The following MAPK14 variants were observed in gnomAD, a reference collection of about 807,000 sequenced individuals.
MAPK14 encodes the protein CSAID-binding protein.
A neutral mutation model predicts 49.6 loss-of-function variants in MAPK14; 16 were observed. That is an observed-to-expected ratio of 0.32 (90% CI 0.22 to 0.49). The LOEUF is 0.49. Among genes scored for constraint, MAPK14 ranks in the 20% least tolerant of loss-of-function variants. The pLI is 0.99. For synonymous variants in MAPK14, 142 were observed against 158.0 expected (o/e 0.90, Z 0.76); for missense variants, 200 against 441.2 (o/e 0.45, Z 4.90).
At chr6:36,029,902 T>C (rs1347511948) in intron 1 of MAPK14, among the ~76,000 whole-genome samples, 2 of 118,612 alleles carry the variant, frequency 1.7e-5, no homozygotes, top group Non-Finnish European at 3.5e-5. Flanking sequence ...TATATAGGTA[T>C]ATACATTCAG....
At chr6:36,036,234 C>T (rs139790357) in intron 1 of MAPK14, among the ~76,000 whole-genome samples, 233 of 115,302 alleles carry the variant, frequency 2.0e-3, no homozygotes, top group African/African-American at 7.0e-3. Flanking sequence ...CCAGCCTGGG[C>T]GATAGAGCAA....
chr6:36,028,661 G>C lies in MAPK14; in HGVS notation c.116+388G>C, dbSNP rs1385824636. ...CCTCTCCCGTGATGCGCCCACGCTGGGGCTCCGGACCCTGGGTCCTCTGAG... is the reference window on the plus strand; with the variant it reads ...CCTCTCCCGTGATGCGCCCACGCTGCGGCTCCGGACCCTGGGTCCTCTGAG... On this transcript the variant is annotated intron_variant, in intron 1 of 11. Transcript: ENST00000229794. The surrounding 1 kb of genome is among the most constrained non-coding windows in gnomAD (Gnocchi z 5.1). 2.6e-5 allele frequency among the ~76,000 whole-genome samples: 4 copies of C among 152,168 alleles called. No homozygotes were observed. Among genetic ancestry groups the C allele is most frequent in the African/African-American group, 9.7e-5 (4 of 41,442 alleles).
intron 3 of MAPK14, among the ~76,000 whole-genome samples, chr6:36,068,057 G>A (rs979218253): frequency 6.6e-6 from 1 of 152,136 alleles, no homozygotes; most frequent in Non-Finnish European, 1.5e-5. Context: ...AGGGGAATTA[G>A]GAGTACAAGG....
At chr6:36,083,731 G>A (rs988883767) in intron 8 of MAPK14, among the ~76,000 whole-genome samples, 3 of 152,196 alleles carry the variant, frequency 2.0e-5, no homozygotes, top group African/African-American at 7.2e-5. Context: ...TGGTGGGAGG[G>A]GTGGCCACAG....
At chr6:36,084,174 C>T (rs1764881219) in intron 8 of MAPK14, among the ~76,000 whole-genome samples, 2 of 152,292 alleles carry the variant, frequency 1.3e-5, no homozygotes, top group South Asian at 4.1e-4. Flanking sequence ...AAAAGGTCCC[C>T]ACCAAAACCC....
At chr6:36,120,375 C>T in the MAPK14 span, among the ~76,000 whole-genome samples, 6 of 152,100 alleles carry the variant, frequency 3.9e-5, no homozygotes, top group Non-Finnish European at 8.8e-5. Flanking sequence ...AGGACCTTCA[C>T]TCCTCCTCCC....
chr6:36,064,723 G>C (rs951067640), intron 3 of MAPK14, among the ~76,000 whole-genome samples: 5 of 152,196 alleles, frequency 3.3e-5, no homozygotes, highest in Non-Finnish European at 7.3e-5. Context: ...ACCTGATGTT[G>C]TTCAATAAAT....
chr6:36,106,238 C>T (rs1006036086), intron 10 of MAPK14, among the ~76,000 whole-genome samples: 1 of 152,080 alleles, frequency 6.6e-6, no homozygotes, highest in African/African-American at 2.4e-5. Context: ...TTGGGAAGTA[C>T]AGGGGATAGT....
chr6:36,098,625 ACTT>A (rs1336080147), intron 9 of MAPK14, among the ~76,000 whole-genome samples: 1 of 152,228 alleles, frequency 6.6e-6, no homozygotes, highest in African/African-American at 2.4e-5. Flanking sequence ...AATCTTTCTA[ACTT>A]CTTGACAGAA....
intron 6 of MAPK14, 66 bp from the exon 7 acceptor site, chr6:36,075,780 GTT>G: frequency 1.9e-6 from 3 of 1,605,676 alleles, no homozygotes; most frequent in Admixed American, 3.3e-5. Context: ...TGTTGTTGTT[GTT>G]TTGTTTTTTT....
intron 8 of MAPK14, among the ~76,000 whole-genome samples, chr6:36,081,673 T>G (rs1278819816): frequency 6.6e-6 from 1 of 152,228 alleles, no homozygotes; most frequent in Admixed American, 6.5e-5. Flanking sequence ...TCAGGAAGTG[T>G]GAGTCTTCCA....
intron 3 of MAPK14, among the ~76,000 whole-genome samples, chr6:36,064,929 C>T (rs928583562): frequency 2.0e-5 from 3 of 152,186 alleles, no homozygotes; most frequent in African/African-American, 7.2e-5. Context: ...GTCCTCTTTC[C>T]ACTCTGTCTC....
Position 36,107,352 on chromosome 6 carries a change from T to A in MAPK14, c.842-103T>A, listed in dbSNP as rs2127476753. On this transcript the variant is annotated intron_variant, in intron 10 of 11. Coordinates refer to ENST00000229794, the MANE Select transcript of MAPK14 (RefSeq NM_139012.3). The surrounding 1 kb of genome is among the most constrained non-coding windows in gnomAD (Gnocchi z 4.3). ...TAGAGTAGGTATTTTGGAGGAGAGTTCTTTGTTTGGATATGAAGGGTCAAA... is the reference window on the plus strand; with the variant it reads ...TAGAGTAGGTATTTTGGAGGAGAGTACTTTGTTTGGATATGAAGGGTCAAA... The A allele has an allele frequency of 1.4e-6, 1 of 724,008 alleles. No homozygotes were observed. Among genetic ancestry groups the A allele is most frequent in the East Asian group, 2.7e-5 (1 of 36,666 alleles). 44.8% of individuals were successfully genotyped at this position (724,008 alleles called of 1,614,324 possible).
At chr6:36,083,283 G>A (rs1382966986) in intron 8 of MAPK14, among the ~76,000 whole-genome samples, 1 of 152,238 alleles carries the variant, frequency 6.6e-6, no homozygotes, top group African/African-American at 2.4e-5. Context: ...GAGGTGGTGA[G>A]TGATTGTTCT....
At chr6:36,033,677 T>C (rs938511385) in intron 1 of MAPK14, among the ~76,000 whole-genome samples, 2 of 152,176 alleles carry the variant, frequency 1.3e-5, no homozygotes, top group Non-Finnish European at 2.9e-5. Context: ...TCTGCCAGTT[T>C]GATTTCTTGA....
At chr6:36,037,914 A>T (rs7745536) in intron 1 of MAPK14, among the ~76,000 whole-genome samples, 1 of 151,900 alleles carries the variant, frequency 6.6e-6, no homozygotes, top group East Asian at 1.9e-4. Context: ...GCTTGAGCCT[A>T]AGAGGATTGC....
chr6:36,077,737 C>T (rs1764589231), intron 8 of MAPK14, among the ~76,000 whole-genome samples: 1 of 152,158 alleles, frequency 6.6e-6, no homozygotes, highest in Admixed American at 6.5e-5. Flanking sequence ...CTGTATTTAG[C>T]TTACCTTATT....
intron 3 of MAPK14, among the ~76,000 whole-genome samples, chr6:36,063,142 T>C (rs552690669): frequency 1.5e-4 from 23 of 152,332 alleles, no homozygotes; most frequent in Admixed American, 5.2e-4. Context: ...GATGGTATAA[T>C]CTACACACCT....
At chr6:36,040,343 T>C (rs987486033) in intron 1 of MAPK14, among the ~76,000 whole-genome samples, 2 of 152,162 alleles carry the variant, frequency 1.3e-5, no homozygotes, top group Non-Finnish European at 2.9e-5. Flanking sequence ...TCACCTTTAG[T>C]TGAGAACCAC....
Sources: gnomAD v4.1 joint callset for allele counts (sites outside exome capture counted in the v4.1 genomes callset) on GRCh38, gnomAD v4.1.1 for gene constraint, Gnocchi (gnomAD v3.1) non-coding constraint, MANE v1.5 for transcripts, NCBI Gene and HGNC (gene_info 2026-07-23, HGNC 2026-07-21) for gene names.